ERC2: variants seen among roughly 807,000 people sequenced by gnomAD.
ERC2 encodes the protein ELKS/RAB6-interacting/CAST family member 2.
In ERC2, 42 loss-of-function variants were observed where a neutral mutation model predicts 114.8. That is an observed-to-expected ratio of 0.37 (90% CI 0.29 to 0.47). ERC2 has a LOEUF of 0.47. Ranked by LOEUF, ERC2 falls within the 20% of genes least tolerant of loss-of-function variation. The probability of loss-of-function intolerance (pLI) is 0.99; values close to 1 mark genes in which losing one functional copy is unlikely to be tolerated. For synonymous variants in ERC2, 454 were observed against 425.5 expected (o/e 1.07, Z -0.82); for missense variants, 939 against 1,150.7 (o/e 0.82, Z 2.66).
chr3:55,952,758 G>A (rs2149449352), intron 12 of ERC2, among the ~76,000 whole-genome samples: 1 of 152,288 alleles, frequency 6.6e-6, no homozygotes, highest in South Asian at 2.1e-4. Flanking sequence ...AACATCATTT[G>A]CACAGTGAAA....
At chr3:55,860,268 A>G (rs890684134) in intron 14 of ERC2, among the ~76,000 whole-genome samples, 2 of 152,198 alleles carry the variant, frequency 1.3e-5, no homozygotes, top group African/African-American at 4.8e-5. Flanking sequence ...AAACACGGCA[A>G]AGCAGTTCTT....
At chr3:56,291,933 C>T (rs1484034031) in intron 3 of ERC2, among the ~76,000 whole-genome samples, 1 of 151,928 alleles carries the variant, frequency 6.6e-6, no homozygotes, top group Non-Finnish European at 1.5e-5. Context: ...AGGAAATAAC[C>T]CAGTTATTTG....
chr3:55,959,507 C>A (rs2068212960), intron 12 of ERC2, among the ~76,000 whole-genome samples: 1 of 152,164 alleles, frequency 6.6e-6, no homozygotes, highest in Admixed American at 6.5e-5. Context: ...CCACAGGAAA[C>A]TCCAAGGAAA....
At chr3:55,905,026 A>G (rs921381652) in intron 13 of ERC2, among the ~76,000 whole-genome samples, 3 of 152,190 alleles carry the variant, frequency 2.0e-5, no homozygotes, top group African/African-American at 4.8e-5. Flanking sequence ...CCCGTTTCCA[A>G]ATATGAACAA....
chr3:55,773,101 T>C (rs565121219), intron 14 of ERC2, among the ~76,000 whole-genome samples: 2 of 152,314 alleles, frequency 1.3e-5, no homozygotes, highest in South Asian at 4.1e-4. Flanking sequence ...ATTCCTCTGC[T>C]CAAAACCTTC....
intron 6 of ERC2, among the ~76,000 whole-genome samples, chr3:56,104,683 C>T (rs967351611): frequency 1.6e-4 from 24 of 150,716 alleles, no homozygotes; most frequent in Non-Finnish European, 3.2e-4. Context: ...GATTTTGAAC[C>T]AAAGCTAAAG....
chr3:55,961,420 T>G (rs1450025487), intron 12 of ERC2, among the ~76,000 whole-genome samples: 3 of 152,302 alleles, frequency 2.0e-5, no homozygotes, highest in African/African-American at 7.2e-5. Flanking sequence ...ATTTAGGTCC[T>G]CCTGTTACTA....
chr3:55,755,584 CCT>C (rs1480775073), intron 14 of ERC2, among the ~76,000 whole-genome samples: 4 of 152,124 alleles, frequency 2.6e-5, no homozygotes, highest in Admixed American at 6.6e-5. Flanking sequence ...AACATTTTCC[CCT>C]GTCACTACTT....
chr3:56,353,076 G>A (rs1010489497), intron 2 of ERC2, among the ~76,000 whole-genome samples: 1 of 152,110 alleles, frequency 6.6e-6, no homozygotes, highest in African/African-American at 2.4e-5. Context: ...GGAGGCAAGG[G>A]TCATGGGGTC....
intron 2 of ERC2, among the ~76,000 whole-genome samples, chr3:56,340,793 G>T (rs1464144624): frequency 6.6e-6 from 1 of 152,048 alleles, no homozygotes; most frequent in Non-Finnish European, 1.5e-5. Flanking sequence ...TCAACAATGA[G>T]CCAGATTTAT....
chr3:56,321,072 T>C (rs937125421), intron 2 of ERC2, among the ~76,000 whole-genome samples: 8 of 152,162 alleles, frequency 5.3e-5, no homozygotes, highest in Non-Finnish European at 7.3e-5. Context: ...GAAAGTCAGA[T>C]GGCCACATCT....
chr3:55,612,284 C>T (rs2058939240), intron 17 of ERC2, among the ~76,000 whole-genome samples: 1 of 152,210 alleles, frequency 6.6e-6, no homozygotes, highest in Admixed American at 6.5e-5. Flanking sequence ...ACACCATAGA[C>T]AAGTACTGTC....
At chr3:56,112,900 T>C (rs2079036677) in intron 6 of ERC2, among the ~76,000 whole-genome samples, 1 of 152,062 alleles carries the variant, frequency 6.6e-6, no homozygotes, top group East Asian at 1.9e-4. Flanking sequence ...TAAAGGCCCA[T>C]CATCAGACAT....
At chr3:56,104,851 C>G (rs976447807) in intron 6 of ERC2, among the ~76,000 whole-genome samples, 90 of 152,126 alleles carry the variant, frequency 5.9e-4, no homozygotes, top group African/African-American at 2.1e-3. Flanking sequence ...TGGGGCAGGG[C>G]AGAAGAAAGA....
intron 7 of ERC2, among the ~76,000 whole-genome samples, chr3:56,067,246 A>G (rs1209409118): frequency 6.6e-6 from 1 of 152,140 alleles, no homozygotes; most frequent in Non-Finnish European, 1.5e-5. Context: ...AGTGGATTGT[A>G]GTTCTCCTTG....
chr3:56,259,460 C>G (rs993167772), intron 3 of ERC2, among the ~76,000 whole-genome samples: 4 of 151,778 alleles, frequency 2.6e-5, no homozygotes, highest in Non-Finnish European at 4.4e-5. Context: ...GTGTAAGTAG[C>G]CAATTTTATG....
chr3:56,225,930 A>G (rs1397818296), intron 3 of ERC2, among the ~76,000 whole-genome samples: 2 of 152,140 alleles, frequency 1.3e-5, no homozygotes, highest in African/African-American at 4.8e-5. Context: ...AGAACCAACA[A>G]TCTGCCTTCC....
chr3:56,263,227 A>T (rs1298336551), intron 3 of ERC2, among the ~76,000 whole-genome samples: 1 of 152,122 alleles, frequency 6.6e-6, no homozygotes. Flanking sequence ...CACTAGCAAG[A>T]TGGTGGAGTA....
chr3:56,143,335 T>C (rs536644960), intron 5 of ERC2, among the ~76,000 whole-genome samples: 239 of 152,312 alleles, frequency 1.6e-3, no homozygotes, highest in Non-Finnish European at 2.7e-3. Context: ...TAACCTGATA[T>C]GGTTTGGTTG....
Sources: allele counts gnomAD v4.1 joint callset (sites outside exome capture counted in the v4.1 genomes callset), GRCh38; gene constraint gnomAD v4.1.1; transcripts MANE v1.5; gene names NCBI Gene and HGNC (gene_info 2026-07-23, HGNC 2026-07-21).